ANKRD45: variants seen among roughly 807,000 people sequenced by gnomAD.
ANKRD45 encodes ankyrin repeat domain 45.
ANKRD45 carries 21 observed loss-of-function variants against 28.1 expected under a neutral mutation model. The ratio of observed to expected loss-of-function variants is 0.75; its 90% confidence interval spans 0.53 to 1.08. The LOEUF is 1.08. ANKRD45 is among the 50% of genes least tolerant of loss of function. The pLI, the probability that ANKRD45 is intolerant of heterozygous loss-of-function variation, is 0.00. For missense variants in ANKRD45, 261 were observed against 308.7 expected (o/e 0.85, Z 1.16); for synonymous variants, 86 against 103.9 (o/e 0.83, Z 1.05).
At chr1:173,637,214 C>T (rs1214686963) in intron 3 of ANKRD45, 6 of 542,120 alleles carry the variant, frequency 1.1e-5, no homozygotes, top group Non-Finnish European at 1.9e-5. Context: ...AAAAAAGAAC[C>T]CGGACTTACT....
At chr1:173,684,535 GAAGT>G in the ANKRD45 span, among the ~76,000 whole-genome samples, 1 of 152,138 alleles carries the variant, frequency 6.6e-6, no homozygotes, top group Non-Finnish European at 1.5e-5. Context: ...AGCTGTGAGG[GAAGT>G]AAGAATTGAG....
At chr1:173,635,361 A>G in intron 3 of ANKRD45, 2 of 608,304 alleles carry the variant, frequency 3.3e-6, no homozygotes, top group South Asian at 4.3e-5. Context: ...TGGCAAGGTT[A>G]TATGAAGTGC....
chr1:173,710,879 C>A, the ANKRD45 span, among the ~76,000 whole-genome samples: 1 of 152,126 alleles, frequency 6.6e-6, no homozygotes, highest in Non-Finnish European at 1.5e-5. Context: ...CTGCCTTGCA[C>A]ATGCCTGGCT....
At chr1:173,632,819 C>T (rs1249473726) in intron 3 of ANKRD45, among the ~76,000 whole-genome samples, 2 of 151,838 alleles carry the variant, frequency 1.3e-5, no homozygotes, top group Admixed American at 1.3e-4. Context: ...TGTAAAAATC[C>T]TCAAAAAACT....
chr1:173,674,452 C>A (rs1020720453), upstream of ANKRD45, among the ~76,000 whole-genome samples: 1 of 152,184 alleles, frequency 6.6e-6, no homozygotes, highest in East Asian at 1.9e-4. Context: ...TGAGGATGCA[C>A]GCCCATGACA....
chr1:173,617,524 T>C (rs1289889702), intron 5 of ANKRD45, among the ~76,000 whole-genome samples: 2 of 152,190 alleles, frequency 1.3e-5, no homozygotes, highest in Admixed American at 6.5e-5. Flanking sequence ...TGTGGCCAGA[T>C]TGCTTCTTTA....
the ANKRD45 span, among the ~76,000 whole-genome samples, chr1:173,694,413 C>A: frequency 1.3e-5 from 2 of 152,048 alleles, no homozygotes; most frequent in Non-Finnish European, 2.9e-5. Flanking sequence ...ATCCACCCGC[C>A]TCAGTCTCCC....
intron 2 of ANKRD45, among the ~76,000 whole-genome samples, chr1:173,650,415 T>C (rs1169987942): frequency 6.6e-6 from 1 of 152,206 alleles, no homozygotes; most frequent in Non-Finnish European, 1.5e-5. Context: ...TCCATGTCCC[T>C]GCACAGGATA....
intron 5 of ANKRD45, among the ~76,000 whole-genome samples, chr1:173,611,584 C>T (rs1486162134): frequency 3.4e-5 from 3 of 88,422 alleles, no homozygotes; most frequent in East Asian, 5.5e-4. Flanking sequence ...CATACACACA[C>T]ACACACACAC....
intron 3 of ANKRD45, among the ~76,000 whole-genome samples, 173 bp from the exon 4 acceptor site, chr1:173,627,332 T>C (rs1309224122): frequency 1.3e-5 from 2 of 152,128 alleles, no homozygotes; most frequent in African/African-American, 4.8e-5. Context: ...GCAATCACAG[T>C]AGCTCCTTTT....
the ANKRD45 span, among the ~76,000 whole-genome samples, chr1:173,696,246 A>G: frequency 6.6e-5 from 10 of 152,204 alleles, no homozygotes; most frequent in Non-Finnish European, 1.5e-4. Flanking sequence ...GGAAACAGAA[A>G]AGAACCGACG....
At chr1:173,622,284 T>C (rs1321946078) in intron 5 of ANKRD45, among the ~76,000 whole-genome samples, 1 of 152,184 alleles carries the variant, frequency 6.6e-6, no homozygotes, top group Admixed American at 6.5e-5. Context: ...ATTGACATTC[T>C]TCACAGAATT....
chr1:173,620,115 T>C (rs889139093), intron 5 of ANKRD45, among the ~76,000 whole-genome samples: 1 of 152,168 alleles, frequency 6.6e-6, no homozygotes, highest in African/African-American at 2.4e-5. Context: ...TTGATAGATA[T>C]CTACAAAACT....
chr1:173,644,858 T>C (rs1668854656), intron 3 of ANKRD45, among the ~76,000 whole-genome samples: 1 of 152,078 alleles, frequency 6.6e-6, no homozygotes, highest in African/African-American at 2.4e-5. Context: ...CCAGCCATAG[T>C]GGCACATGCC....
intron 3 of ANKRD45, among the ~76,000 whole-genome samples, chr1:173,630,163 G>C (rs1202603581): frequency 6.6e-6 from 1 of 152,112 alleles, no homozygotes; most frequent in Admixed American, 6.5e-5. Context: ...ATGCTAAAGG[G>C]AGTTTTTTAA....
the ANKRD45 span, among the ~76,000 whole-genome samples, chr1:173,700,311 G>C: frequency 7.2e-5 from 11 of 152,100 alleles, no homozygotes; most frequent in Admixed American, 3.3e-4. Context: ...CACAGAATTG[G>C]AAAAAACTAC....
the ANKRD45 span, among the ~76,000 whole-genome samples, chr1:173,691,766 G>A: frequency 3.9e-5 from 6 of 152,122 alleles, no homozygotes; most frequent in Admixed American, 1.3e-4. Flanking sequence ...CAGCCTGGGC[G>A]ACAGAGAGAG....
At chr1:173,696,879 A>T in the ANKRD45 span, among the ~76,000 whole-genome samples, 2 of 152,174 alleles carry the variant, frequency 1.3e-5, no homozygotes, top group African/African-American at 4.8e-5. Flanking sequence ...AAGCTAAAGG[A>T]GCATGTTCAA....
At chr1:173,710,876 G>T in the ANKRD45 span, among the ~76,000 whole-genome samples, 1 of 152,048 alleles carries the variant, frequency 6.6e-6, no homozygotes, top group African/African-American at 2.4e-5. Flanking sequence ...CTCCTGCCTT[G>T]CACATGCCTG....
Sources: allele counts gnomAD v4.1 joint callset (sites outside exome capture counted in the v4.1 genomes callset), GRCh38; gene constraint gnomAD v4.1.1; transcripts MANE v1.5; gene names NCBI Gene and HGNC (gene_info 2026-07-23, HGNC 2026-07-21).